ZNF213: variants seen among roughly 807,000 people sequenced by gnomAD.
ZNF213 encodes zinc finger protein 213.
ZNF213 carries 32 observed loss-of-function variants against 46.0 expected under a neutral mutation model. The observed-to-expected ratio is 0.70, with a 90% CI of 0.52 to 0.93. ZNF213 has a LOEUF of 0.93. Ranked by LOEUF, ZNF213 falls within the 40% of genes least tolerant of loss-of-function variation. The pLI is 0.00. For missense variants in ZNF213, 639 were observed against 652.8 expected (o/e 0.98, Z 0.23); for synonymous variants, 297 against 271.0 (o/e 1.10, Z -0.94).
chr16:3,136,494 G>A (rs1241412542), intron 1 of ZNF213, among the ~76,000 whole-genome samples: 1 of 152,154 alleles, frequency 6.6e-6, no homozygotes, highest in Admixed American at 6.5e-5. Context: ...GAGGCGGGTG[G>A]ATCACAAGGT....
Position 3,141,460 on chromosome 16 carries a change from C to A in ZNF213, c.*113C>A. 2 of 1,249,954 alleles carry A rather than the reference C, an allele frequency of 1.6e-6. No individual in the cohort carries two copies. The highest frequency in any genetic ancestry group is 2.1e-6 in the Non-Finnish European group (2 of 931,544). The allele number at this position is 1,249,954 out of a possible 1,614,324, so 77.4% of individuals were successfully genotyped here. The stretch of plus-strand genomic sequence containing the variant: ...CCACCTCCCGGGCTGTCCGAGGGAC[C>A]CCAGGGTACCTCACACTCGGAGCTC... On this transcript the variant is annotated 3_prime_UTR_variant, in exon 6 of 6. Coordinates refer to ENST00000396878, the MANE Select transcript of ZNF213 (RefSeq NM_004220.3).
In ZNF213 at chr16:3,137,302, C is replaced by T; in HGVS notation, c.22C>T (p.Gln8Ter). 6.2e-7 allele frequency: 1 copy of T among 1,603,882 alleles called. No homozygotes were observed. The highest frequency in any genetic ancestry group is 8.5e-7 in the Non-Finnish European group (1 of 1,173,556). The stretch of plus-strand genomic sequence containing the variant: ...GGGAATGGCAGCCCCCTTGGAGGCC[C>T]AGGACCAGGCCCCTGGGGAGGGAGA... Reference protein sequence around the residue: MAAPLEAQDQAPGEGEGL... With the variant: MAAPLEA Residue 8 changes from glutamine to a stop codon, truncating the protein, a stop_gained, in exon 2 of 6, where the codon CAG (glutamine) becomes TAG (stop). Coordinates refer to ENST00000396878, the MANE Select transcript of ZNF213 (RefSeq NM_004220.3). LOFTEE classifies it high-confidence loss of function.
At chr16:3,138,931 G>C in intron 4 of ZNF213, 44 bp from the exon 5 acceptor site, 1 of 1,614,032 alleles carries the variant, frequency 6.2e-7, no homozygotes, top group Non-Finnish European at 8.5e-7. Context: ...GTCCCCGCCA[G>C]TGCTGCTGGG....
Position 3,137,311 on chromosome 16 carries a change from G to T in ZNF213, c.31G>T (p.Ala11Ser). Residue 11 changes from alanine (A) to serine (S), a missense_variant, in exon 2 of 6, where the codon GCC becomes TCC. Transcript: ENST00000396878. ...AGCCCCCTTGGAGGCCCAGGACCAG[G>T]CCCCTGGGGAGGGAGAAGGGCTTCT... MAAPLEAQDQ[A>S]PGEGEGLLIV... 1 of 1,608,000 alleles carries T rather than the reference G, an allele frequency of 6.2e-7. No individual in the cohort carries two copies. Among genetic ancestry groups the T allele is most frequent in the South Asian group, 1.1e-5 (1 of 90,660 alleles).
chr16:3,139,235 T>A, intron 5 of ZNF213, 137 bp downstream of exon 5: 1 of 1,313,052 alleles, frequency 7.6e-7, no homozygotes, highest in East Asian at 2.4e-5. Flanking sequence ...AGTAACTCCT[T>A]TCTTGGCTGA....
Position 3,142,501 on chromosome 16 carries a change from C to T in ZNF213, c.*1154C>T. The T allele has an allele frequency of 5.3e-6, 1 of 189,582 alleles. No individual in the cohort carries two copies. The highest frequency in any genetic ancestry group is 1.1e-5 in the Non-Finnish European group (1 of 89,244). 11.7% of individuals were successfully genotyped at this position (189,582 alleles called of 1,614,324 possible). A position where few individuals can be genotyped will look rare whatever the true frequency, so the allele number is the denominator to read the frequency against. On this transcript the variant is annotated 3_prime_UTR_variant, in exon 6 of 6. Transcript: ENST00000396878. The stretch of plus-strand genomic sequence containing the variant: ...CGCTCCATCATCACTATGTCCAGCT[C>T]CGTCGGCACTACCACCCTGCTCCAT...
At position 3,141,193 on chromosome 16, in the gene ZNF213, G is replaced by A; in HGVS notation, c.1226G>A (p.Ser409Asn). Residue 409 changes from serine to asparagine, a missense_variant, in exon 6 of 6, where the codon AGC becomes AAC. Transcript: ENST00000396878. ...KPFGCSDCGK[S>N]FSLRSYLLDH... ...TTCGGCTGCAGCGACTGCGGCAAGA[G>A]CTTCTCGCTGCGCTCCTACCTGCTG... 7 of 1,612,486 alleles carry A rather than the reference G, an allele frequency of 4.3e-6. No individual in the cohort carries two copies. The highest frequency in any genetic ancestry group is 1.1e-5 in the South Asian group (1 of 91,082).
intron 5 of ZNF213, chr16:3,140,104 A>G (rs1158707549): frequency 6.6e-6 from 1 of 152,268 alleles, no homozygotes; most frequent in African/African-American, 2.4e-5. Context: ...TGGGGTTCAG[A>G]GTGGGACATT....
chr16:3,140,693 T>C lies in ZNF213; in HGVS notation c.726T>C (p.Phe242=). The C allele has an allele frequency of 6.6e-7, 1 of 1,503,932 alleles. No homozygotes were observed. Among genetic ancestry groups the C allele is most frequent in the Non-Finnish European group, 8.8e-7 (1 of 1,131,290 alleles). The allele number at this position is 1,503,932 out of a possible 1,614,324, so 93.2% of individuals were successfully genotyped here. A position where few individuals can be genotyped will look rare whatever the true frequency, so the allele number is the denominator to read the frequency against. Residue 242 remains phenylalanine, a synonymous_variant, in exon 6 of 6, where the codon TTT becomes TTC. Coordinates refer to ENST00000396878, the MANE Select transcript of ZNF213 (RefSeq NM_004220.3). ...RENSRNTTLG[F]GLKGQSEKSL... ...GTCGCCTCCTTCCCCTTGCAGGTTTTGGGCTCAAAGGCCAAAGTGAGAAGT... is the reference window on the plus strand; with the variant it reads ...GTCGCCTCCTTCCCCTTGCAGGTTTCGGGCTCAAAGGCCAAAGTGAGAAGT...
Position 3,137,368 on chromosome 16 carries a change from C to T in ZNF213, c.88C>T (p.Gln30Ter). The T allele has an allele frequency of 1.2e-6, 2 of 1,614,002 alleles. No homozygotes were observed. The highest frequency in any genetic ancestry group is 1.7e-6 in the Non-Finnish European group (2 of 1,180,032). The part of the protein sequence containing the change: ...IVKVEDSSWE[Q>*]ESAQHEDGRD... ...GAAAGTGGAAGATTCCTCCTGGGAA[C>T]AGGAATCTGCCCAGCATGAGGATGG... The change falls in exon 2 of 6, where the codon CAG becomes TAG. Residue 30 changes from glutamine (Q) to a stop codon, truncating the protein, a stop_gained. Transcript: ENST00000396878. LOFTEE classifies it high-confidence loss of function.
chr16:3,142,225 C>T lies in ZNF213; in HGVS notation c.*878C>T, dbSNP rs1038376099. 9 of 221,798 alleles carry T rather than the reference C, an allele frequency of 4.1e-5. No homozygotes were observed. The East Asian group carries it at 8.8e-4, about 22-fold the overall frequency. The allele number at this position is 221,798 out of a possible 1,614,324, so 13.7% of individuals were successfully genotyped here. A position where few individuals can be genotyped will look rare whatever the true frequency, so the allele number is the denominator to read the frequency against. Reference sequence around the variant, plus strand: ...CATCGGCACTGGCGCCCTGCTCCATCGGCACTAATGCTCCACTCGGCGCCC... The same window carrying T: ...CATCGGCACTGGCGCCCTGCTCCATTGGCACTAATGCTCCACTCGGCGCCC... On this transcript the variant is annotated 3_prime_UTR_variant, in exon 6 of 6. Transcript: ENST00000396878.
rs369014246 is a variant in ZNF213, at chr16:3,140,790, G to A, written c.823G>A (p.Glu275Lys). ...GSDVTVSWSP[E>K]EAEAWESENR... The stretch of plus-strand genomic sequence containing the variant: ...CGACGTGACTGTGTCCTGGAGCCCC[G>A]AGGAGGCTGAGGCCTGGGAGAGCGA... The change falls in exon 6 of 6, where the codon GAG (glutamate) becomes AAG (lysine). Residue 275 changes from glutamate (E) to lysine (K), a missense_variant. Coordinates refer to ENST00000396878, the MANE Select transcript of ZNF213 (RefSeq NM_004220.3). 30 of 1,594,604 alleles carry A rather than the reference G, an allele frequency of 1.9e-5. No individual in the cohort carries two copies. The highest frequency in any genetic ancestry group is 3.4e-5 in the South Asian group (3 of 88,744).
At chr16:3,135,414 GTCT>G (rs750660538) in intron 1 of ZNF213, 27 bp downstream of exon 1, 11 of 152,256 alleles carry the variant, frequency 7.2e-5, no homozygotes, top group Non-Finnish European at 1.6e-4. Flanking sequence ...TTCGAGGAAA[GTCT>G]TCTTCGAAGT....
Position 3,138,822 on chromosome 16 carries a change from A to G in ZNF213, c.597+4A>G. The stretch of plus-strand genomic sequence containing the variant: ...CTGCTTTGTCTCTGGGGTCCATGTG[A>G]GTCACCAGTCCCTTTGTCTTCTTTA... On this transcript the variant is annotated splice_donor_region_variant and intron_variant, in intron 4 of 5. Transcript: ENST00000396878. The G allele has an allele frequency of 1.2e-6, 2 of 1,613,968 alleles. No individual in the cohort carries two copies. The highest frequency in any genetic ancestry group is 8.5e-7 in the Non-Finnish European group (1 of 1,179,972).
intron 3 of ZNF213, 89 bp downstream of exon 3, chr16:3,138,630 G>A: frequency 6.2e-7 from 1 of 1,610,224 alleles, no homozygotes. Context: ...TCACAGGCAG[G>A]ACAGCTCCCT....
In ZNF213 at chr16:3,141,545, C is replaced by G; in HGVS notation, c.*198C>G. 3 of 577,086 alleles carry G rather than the reference C, an allele frequency of 5.2e-6. No homozygotes were observed. The highest frequency in any genetic ancestry group is 5.1e-5 in the South Asian group (2 of 39,188). The allele number at this position is 577,086 out of a possible 1,614,324, so 35.7% of individuals were successfully genotyped here. Reference sequence around the variant, plus strand: ...GCTCAAAGGGAACGGAAGCCTTCCCCTCCCGCCCCCGATCTTGTCCTCTTT... The same window carrying G: ...GCTCAAAGGGAACGGAAGCCTTCCCGTCCCGCCCCCGATCTTGTCCTCTTT... On this transcript the variant is annotated 3_prime_UTR_variant, in exon 6 of 6. Coordinates refer to ENST00000396878, the MANE Select transcript of ZNF213 (RefSeq NM_004220.3).
rs1423216625 is a variant in ZNF213, at chr16:3,142,635, CCGGTACTGGCTCCCTGCTCCAT to C, written c.*1292_*1313del. On this transcript the variant is annotated 3_prime_UTR_variant, in exon 6 of 6. Coordinates refer to ENST00000396878, the MANE Select transcript of ZNF213 (RefSeq NM_004220.3). ...CCATTGGCACCAACGCCCAGCTCCACCGGTACTGGCTCCCTGCTCCATCGGCACTAACGCCCTGCTTCATTGG... is the reference window on the plus strand; with the variant it reads ...CCATTGGCACCAACGCCCAGCTCCACCGGCACTAACGCCCTGCTTCATTGG... 10 of 162,458 alleles carry C rather than the reference CCGGTACTGGCTCCCTGCTCCAT, an allele frequency of 6.2e-5. No individual in the cohort carries two copies. The South Asian group carries it at 1.3e-3, about 21-fold the overall frequency. 10.1% of individuals were successfully genotyped at this position (162,458 alleles called of 1,614,324 possible).
Position 3,139,065 on chromosome 16 carries a change from A to G in ZNF213, c.688A>G (p.Ile230Val). Residue 230 changes from isoleucine (I) to valine (V), a missense_variant, in exon 5 of 6, where the codon ATA becomes GTA. Physicochemically the swap from Ile to Val is conservative, Grantham distance 29. Coordinates refer to ENST00000396878, the MANE Select transcript of ZNF213 (RefSeq NM_004220.3). Reference protein sequence around the residue: ...DPAQRDLFWDIKRENSRNTTL... With the variant: ...DPAQRDLFWDVKRENSRNTTL... ...TGCTCAGCGGGATCTCTTCTGGGAC[A>G]TAAAGCGGGAGAACTCCCGGAACAC... The G allele has an allele frequency of 6.2e-7, 1 of 1,614,084 alleles. No individual in the cohort carries two copies.
Position 3,137,154 on chromosome 16 carries a change from C to A in ZNF213, c.-115-12C>A. ...CTTCCTCCTCAGTCCTGCCATTTTG[C>A]TCTTTCCCCAGGAGTACACATCCAG... is the stretch of plus-strand genomic sequence containing the variant. On this transcript the variant is annotated splice_polypyrimidine_tract_variant and intron_variant, in intron 1 of 5. Coordinates refer to ENST00000396878, the MANE Select transcript of ZNF213 (RefSeq NM_004220.3). The A allele has an allele frequency of 1.5e-6, 2 of 1,304,748 alleles. No individual in the cohort carries two copies. Among genetic ancestry groups the A allele is most frequent in the Non-Finnish European group, 2.1e-6 (2 of 963,116 alleles). 80.8% of individuals were successfully genotyped at this position (1,304,748 alleles called of 1,614,324 possible).
Sources: gnomAD v4.1 joint callset for allele counts (sites outside exome capture counted in the v4.1 genomes callset) on GRCh38, gnomAD v4.1.1 for gene constraint, MANE v1.5 for transcripts, NCBI Gene and HGNC (gene_info 2026-07-23, HGNC 2026-07-21) for gene names.